ITIH4: variants seen among roughly 807,000 people sequenced by gnomAD.
ITIH4 encodes the protein inter-alpha-trypsin inhibitor heavy chain H4.
A neutral mutation model predicts 111.8 loss-of-function variants in ITIH4; 79 were observed. That is an observed-to-expected ratio of 0.71 (90% CI 0.59 to 0.85). ITIH4 has a LOEUF of 0.85. ITIH4 is among the 40% of genes least tolerant of loss of function. The pLI is 0.00. For missense variants in ITIH4, 1,065 were observed against 1,195.8 expected, an observed-to-expected ratio of 0.89 and a Z score of 1.61; for synonymous variants, 472 against 468.3, an observed-to-expected ratio of 1.01 and a Z score of -0.10.
Position 52,818,465 on chromosome 3 carries a change from C to T in ITIH4, c.2149G>A (p.Glu717Lys), listed in dbSNP as rs777037085. The change falls in exon 18 of 24, where the codon GAA becomes AAA. Residue 717 changes from glutamate to lysine, a missense_variant. Glu to Lys is a moderately conservative substitution (Grantham distance 56, BLOSUM62 1). Transcript: ENST00000266041. Reference protein sequence around the residue: ...AVSRVMNMKIEETTMTTQTPA... With the variant: ...AVSRVMNMKIKETTMTTQTPA... ...GGGCCTCTGGCCTTGGGGGCACCTT[C>T]GATTTTCATATTCATGACACGAGAC... The T allele has an allele frequency of 1.9e-5, 30 of 1,600,594 alleles. No individual in the cohort carries two copies. Among genetic ancestry groups the T allele is most frequent in the African/African-American group, 1.2e-4 (9 of 74,548 alleles).
intron 5 of ITIH4, among the ~76,000 whole-genome samples, chr3:52,826,273 A>G (rs760877241): frequency 6.6e-5 from 10 of 152,166 alleles, no homozygotes; most frequent in Admixed American, 3.3e-4. Context: ...CCTTCTCTCC[A>G]CCTGGCCCCA....
chr3:52,819,797 G>C lies in ITIH4; in HGVS notation c.1913-5C>G, dbSNP rs200076840. The C allele has an allele frequency of 1.9e-6, 3 of 1,614,054 alleles. No individual in the cohort carries two copies. The highest frequency in any genetic ancestry group is 1.7e-6 in the Non-Finnish European group (2 of 1,179,982). ...TTCTTGGAGAAAAGGAAGCCTCTGT[G>C]TGGTCAAGTCCTGATCAGATACAAC... On this transcript the variant is annotated splice_polypyrimidine_tract_variant and splice_region_variant and intron_variant, in intron 15 of 23. Coordinates refer to ENST00000266041, the MANE Select transcript of ITIH4 (RefSeq NM_002218.5).
In ITIH4 at chr3:52,817,035, C is replaced by T; in HGVS notation, c.2320G>A (p.Glu774Lys). 1.2e-6 allele frequency: 2 copies of T among 1,613,792 alleles called. No homozygotes were observed. The highest frequency in any genetic ancestry group is 1.1e-5 in the South Asian group (1 of 91,038). ...EQGVEVTGQY[E>K]REKAGFSWIE... ...CATGAGAACCCAGCCTTCTCCCTCT[C>T]ATACTGGCCAGTCACCTCAACCCCT... Residue 774 changes from glutamate to lysine, a missense_variant, in exon 21 of 24, where the codon GAG becomes AAG. By Grantham distance (56) the Glu-to-Lys change is moderately conservative (BLOSUM62 1). Transcript: ENST00000266041.
At chr3:52,829,084 G>C (rs761929607) in intron 2 of ITIH4, 35 bp downstream of exon 2, 5 of 1,536,164 alleles carry the variant, frequency 3.3e-6, no homozygotes, top group South Asian at 1.2e-5. Flanking sequence ...GCACTGGGGG[G>C]TGTGGAGAGG....
intron 18 of ITIH4, 80 bp downstream of exon 18, chr3:52,818,382 C>T: frequency 6.4e-7 from 1 of 1,574,266 alleles, no homozygotes; most frequent in Non-Finnish European, 8.7e-7. Flanking sequence ...TCCCTCACTA[C>T]TTCAACATCG....
Position 52,827,036 on chromosome 3 carries a change from AG to A in ITIH4, c.356+56del, listed in dbSNP as rs2154111663. Reference sequence around the variant, plus strand: ...AGGTGGGAGCAGGACTAAGGGCCAAAGGCAAGGTGGCCTTTGTCTAGACCCT... The same window carrying A: ...AGGTGGGAGCAGGACTAAGGGCCAAAGCAAGGTGGCCTTTGTCTAGACCCT... On this transcript the variant is annotated intron_variant, in intron 3 of 23. Coordinates refer to ENST00000266041, the MANE Select transcript of ITIH4 (RefSeq NM_002218.5). 1.9e-6 allele frequency: 3 copies of A among 1,611,638 alleles called. No homozygotes were observed. The East Asian group carries it at 6.7e-5, about 36-fold the overall frequency.
At position 52,826,540 on chromosome 3, in the gene ITIH4, C is replaced by T. The variant is rs1700481122; in HGVS notation, c.630+1G>A. ...TCACCTGCTGACCACAACAGGCCCA[C>T]CTTGGTCTTATTCTGCCAGGTGGTG... is the stretch of plus-strand genomic sequence containing the variant. On this transcript the variant is annotated splice_donor_variant, in intron 5 of 23. Transcript: ENST00000266041. LOFTEE classifies it high-confidence loss of function. 6.2e-7 allele frequency: 1 copy of T among 1,612,090 alleles called. No individual in the cohort carries two copies.
chr3:52,823,948 A>G lies in ITIH4; in HGVS notation c.1228T>C (p.Tyr410His). The change falls in exon 10 of 24, where the codon TAC becomes CAC. Residue 410 changes from tyrosine to histidine, a missense_variant. Physicochemically the swap from Tyr to His is moderately conservative, Grantham distance 83 (BLOSUM62 2). Coordinates refer to ENST00000266041, the MANE Select transcript of ITIH4 (RefSeq NM_002218.5). ...CCGAAGCCCAGGCAGAAGAGGCTGT[A>G]CCGGCCACTTACAGCTTCCCGCACG... ...NNVREAVSGR[Y>H]SLFCLGFGFD... 1 of 1,599,796 alleles carries G rather than the reference A, an allele frequency of 6.3e-7. No individual in the cohort carries two copies.
At chr3:52,820,422 C>T (rs751685551) in intron 13 of ITIH4, 105 bp from the exon 14 acceptor site, 17 of 1,324,348 alleles carry the variant, frequency 1.3e-5, no homozygotes, top group Admixed American at 8.0e-5. Flanking sequence ...AATCTTGCTA[C>T]CCAATCCTGG....
intron 11 of ITIH4, among the ~76,000 whole-genome samples, chr3:52,822,705 A>G (rs974530298): frequency 2.0e-5 from 3 of 152,192 alleles, no homozygotes; most frequent in African/African-American, 7.2e-5. Flanking sequence ...GACCGTACCA[A>G]CAGTCATGAC....
intron 5 of ITIH4, 143 bp from the exon 6 acceptor site, chr3:52,826,157 A>G: frequency 1.7e-6 from 2 of 1,194,468 alleles, no homozygotes; most frequent in African/African-American, 3.1e-5. Flanking sequence ...TTTCAGGCTG[A>G]GTTATTGATG....
chr3:52,823,335 C>T (rs1559480638), intron 11 of ITIH4: 3 of 564,890 alleles, frequency 5.3e-6, no homozygotes, highest in Non-Finnish European at 9.5e-6. Context: ...CTGCCCTCAC[C>T]TGTGCTTGCA....
At chr3:52,826,494 A>G (rs1237692677) in intron 5 of ITIH4, 47 bp downstream of exon 5, 2 of 1,428,694 alleles carry the variant, frequency 1.4e-6, no homozygotes, top group Admixed American at 3.3e-5. Flanking sequence ...GGCTGGCCTG[A>G]AGGCAGGGCC....
At chr3:52,819,278 C>T (rs569977256) in intron 17 of ITIH4, 115 bp downstream of exon 17, 62 of 1,207,652 alleles carry the variant, frequency 5.1e-5, no homozygotes, top group Admixed American at 2.2e-4. Context: ...GTGCCCTCAG[C>T]AGCCGTCCCT....
chr3:52,824,800 C>T lies in ITIH4; in HGVS notation c.876+42G>A, dbSNP rs1295295190. 3 of 1,494,850 alleles carry T rather than the reference C, an allele frequency of 2.0e-6. No individual in the cohort carries two copies. Among genetic ancestry groups the T allele is most frequent in the East Asian group, 2.3e-5 (1 of 44,200 alleles). 92.6% of individuals were successfully genotyped at this position (1,494,850 alleles called of 1,614,324 possible). ...GGACCACAGCTGATAGCGTGAAGGG[C>T]CTGGGAGTTTTCAGGGCCCTGCCCT... On this transcript the variant is annotated intron_variant, in intron 7 of 23. Coordinates refer to ENST00000266041, the MANE Select transcript of ITIH4 (RefSeq NM_002218.5). The surrounding 1 kb of genome is among the most constrained non-coding windows in gnomAD (Gnocchi z 4.3).
Position 52,824,510 on chromosome 3 carries a change from T to G in ITIH4, c.932A>C (p.Asn311Thr), listed in dbSNP as rs150647947. Residue 311 changes from asparagine (N) to threonine (T), a missense_variant, in exon 8 of 24, where the codon AAC (asparagine) becomes ACC (threonine). Coordinates refer to ENST00000266041, the MANE Select transcript of ITIH4 (RefSeq NM_002218.5). The surrounding 1 kb of genome is among the most constrained non-coding windows in gnomAD (Gnocchi z 4.3). ...LDDLSPRDQF[N>T]LIVFSTEATQ... ...TGCTTCTGTACTGAAGACGATGAGG[T>G]TGAACTGGTCTCTGGGGCTGAGGTC... 2.8e-5 allele frequency: 45 copies of G among 1,613,962 alleles called. No individual in the cohort carries two copies. In the African/African-American group the frequency reaches 4.1e-4, roughly 15 times the overall value.
intron 21 of ITIH4, 65 bp from the exon 22 acceptor site, chr3:52,814,428 G>T: frequency 4.1e-6 from 6 of 1,463,326 alleles, no homozygotes; most frequent in Non-Finnish European, 5.7e-6. Flanking sequence ...TCAGTAGTCA[G>T]GGTGGGGAGT....
At position 52,824,109 on chromosome 3, in the gene ITIH4, C is replaced by G. The variant is rs1301694412; in HGVS notation, c.1171+81G>C. 6.3e-7 allele frequency: 1 copy of G among 1,586,314 alleles called. No homozygotes were observed. Among genetic ancestry groups the G allele is most frequent in the Admixed American group, 1.7e-5 (1 of 58,732 alleles). On this transcript the variant is annotated intron_variant, in intron 9 of 23. Transcript: ENST00000266041. This position sits in a 1 kb window ranked among gnomAD's most constrained non-coding sequence, Gnocchi z 4.3. The stretch of plus-strand genomic sequence containing the variant: ...GCCTCAGTGACCCCCTCTCCCTGCC[C>G]AGATCCCACAGCAAGCCCAGGTGCA...
At position 52,816,991 on chromosome 3, in the gene ITIH4, C is replaced by T; in HGVS notation, c.2364G>A (p.Lys788=). 2 of 1,614,014 alleles carry T rather than the reference C, an allele frequency of 1.2e-6. No individual in the cohort carries two copies. Among genetic ancestry groups the T allele is most frequent in the Non-Finnish European group, 8.5e-7 (1 of 1,179,952 alleles). The change falls in exon 21 of 24, where the codon AAG becomes AAA. Residue 788 remains lysine (K), a synonymous_variant. Transcript: ENST00000266041. The stretch of plus-strand genomic sequence containing the variant: ...ATGCGTGAACCCATACCAGGGGGTT[C>T]TTGAAGGTCACTTCGATCCATGAGA... ...AGFSWIEVTF[K]NPLVWVHASP...
Sources: allele counts gnomAD v4.1 joint callset (sites outside exome capture counted in the v4.1 genomes callset), GRCh38; gene constraint gnomAD v4.1.1; non-coding constraint Gnocchi (gnomAD v3.1); transcripts MANE v1.5; gene names NCBI Gene and HGNC (gene_info 2026-07-23, HGNC 2026-07-21).